Variants in ARHGAP20 observed in about 807,000 individuals in gnomAD.
ARHGAP20 encodes rho GTPase-activating protein 20.
A neutral mutation model predicts 73.7 loss-of-function variants in ARHGAP20; 34 were observed. The ratio of observed to expected loss-of-function variants is 0.46; its 90% CI spans 0.35 to 0.61. The LOEUF (loss-of-function observed/expected upper bound fraction) is 0.61. ARHGAP20 is among the 20% of genes least tolerant of loss of function. ARHGAP20 has a pLI of 0.00. For synonymous variants in ARHGAP20, 523 were observed against 518.2 expected, an observed-to-expected ratio of 1.01 and a Z score of -0.13; for missense variants, 1,314 against 1,420.9, an observed-to-expected ratio of 0.92 and a Z score of 1.21.
chr11:110,632,028 C>T (rs2134960889), intron 2 of ARHGAP20, among the ~76,000 whole-genome samples: 1 of 152,262 alleles, frequency 6.6e-6, no homozygotes, highest in East Asian at 1.9e-4. Context: ...ATCAGTAATT[C>T]ATTCCTTTAT....
Position 110,577,511 on chromosome 11 carries a change from C to T in ARHGAP20, c.*1859G>A. 1.3e-5 allele frequency: 13 copies of T among 1,003,472 alleles called. No individual in the cohort carries two copies. Among genetic ancestry groups the T allele is most frequent in the Non-Finnish European group, 1.5e-5 (13 of 842,550 alleles). The allele number at this position is 1,003,472 out of a possible 1,614,324, so 62.2% of individuals were successfully genotyped here. A position where few individuals can be genotyped will look rare whatever the true frequency, so the allele number is the denominator to read the frequency against. Reference sequence around the variant, plus strand: ...GGCAATTTCTTCCAGAAAGACACTCCAAGCCGTTAAGAGCTTCATTCACAT... The same window carrying T: ...GGCAATTTCTTCCAGAAAGACACTCTAAGCCGTTAAGAGCTTCATTCACAT... On this transcript the variant is annotated 3_prime_UTR_variant, in exon 15 of 15. Transcript: ENST00000683387.
chr11:110,690,550 G>T lies in ARHGAP20; in HGVS notation c.185C>A (p.Thr62Asn). The T allele has an allele frequency of 6.2e-7, 1 of 1,613,654 alleles. No homozygotes were observed. The highest frequency in any genetic ancestry group is 8.5e-7 in the Non-Finnish European group (1 of 1,179,634). ...TAATACAAAGCTTTGCACTTACCTG[G>T]TAGTAGGCCGTTTTTGTAGGGCTTT... ...LDKALQKRPT[T>N]RDSPSASVDT... Residue 62 changes from threonine to asparagine, a missense_variant, in exon 2 of 15, where the codon ACC (threonine) becomes AAC (asparagine). Physicochemically the swap from Thr to Asn is moderately conservative, Grantham distance 65. Around this residue, in one of 3 missense-constraint regions of ARHGAP20, gnomAD observed 443 missense variants for 466.4 expected, o/e 0.95. Transcript: ENST00000683387.
At chr11:110,690,711 C>G in intron 1 of ARHGAP20, 82 bp from the exon 2 acceptor site, 1 of 1,338,806 alleles carries the variant, frequency 7.5e-7, no homozygotes, top group Non-Finnish European at 1.1e-6. Flanking sequence ...TCCAATTTAA[C>G]AAGTTTTGCA....
intron 2 of ARHGAP20, among the ~76,000 whole-genome samples, chr11:110,649,110 C>T (rs1949291612): frequency 6.8e-6 from 1 of 147,088 alleles, no homozygotes; most frequent in Non-Finnish European, 1.5e-5. Context: ...AAAATAAAGA[C>T]AAGTCTTAAA....
chr11:110,648,223 A>AAATATATATATGTAAATATATATATG (rs1565457508), intron 2 of ARHGAP20, among the ~76,000 whole-genome samples: 1 of 38,492 alleles, frequency 2.6e-5, no homozygotes, highest in African/African-American at 2.6e-4. Context: ...ATATATATGT[A>AAATATATATATGTAAATATATATATG]TATATATATA....
chr11:110,690,751 C>T, intron 1 of ARHGAP20, 122 bp from the exon 2 acceptor site: 2 of 979,802 alleles, frequency 2.0e-6, no homozygotes, highest in Non-Finnish European at 1.5e-6. Context: ...AAGGAGCCTA[C>T]AGTTTCATTA....
intron 1 of ARHGAP20, 27 bp downstream of exon 1, chr11:110,712,100 G>T: frequency 3.1e-6 from 4 of 1,284,238 alleles, no homozygotes; most frequent in Non-Finnish European, 4.0e-6. Context: ...GCGGCGGAGG[G>T]CACGGGCCCC....
At chr11:110,679,857 G>A (rs979693965) in intron 2 of ARHGAP20, among the ~76,000 whole-genome samples, 1 of 152,172 alleles carries the variant, frequency 6.6e-6, no homozygotes, top group African/African-American at 2.4e-5. Context: ...ATGACATGGT[G>A]TACATGTAAG....
chr11:110,702,676 A>T (rs1950477002), intron 1 of ARHGAP20, among the ~76,000 whole-genome samples: 4 of 152,194 alleles, frequency 2.6e-5, no homozygotes, highest in Admixed American at 2.0e-4. Flanking sequence ...CTGATAAGCA[A>T]CTTCAGCAGT....
At chr11:110,581,535 G>A (rs1028239303) in intron 14 of ARHGAP20, among the ~76,000 whole-genome samples, 1 of 152,194 alleles carries the variant, frequency 6.6e-6, no homozygotes, top group African/African-American at 2.4e-5. Context: ...AGTATATCCA[G>A]ATTCTGAGTA....
intron 2 of ARHGAP20, among the ~76,000 whole-genome samples, chr11:110,661,087 C>T (rs1284164453): frequency 6.6e-6 from 1 of 152,130 alleles, no homozygotes; most frequent in Non-Finnish European, 1.5e-5. Flanking sequence ...AAAGTTATTC[C>T]ATCTGTTCAG....
At chr11:110,701,445 T>G (rs1194472311) in intron 1 of ARHGAP20, among the ~76,000 whole-genome samples, 2 of 152,086 alleles carry the variant, frequency 1.3e-5, no homozygotes, top group Non-Finnish European at 2.9e-5. Context: ...TTTTTTCTTG[T>G]AAATTTGTTT....
chr11:110,688,376 A>T (rs1950177939), intron 2 of ARHGAP20, among the ~76,000 whole-genome samples: 1 of 151,932 alleles, frequency 6.6e-6, no homozygotes, highest in South Asian at 2.1e-4. Flanking sequence ...TTGGGGGAAG[A>T]TGACTGCTGG....
At chr11:110,586,130 CT>C in intron 12 of ARHGAP20, 85 bp downstream of exon 12, 1 of 679,208 alleles carries the variant, frequency 1.5e-6, no homozygotes, top group Non-Finnish European at 2.2e-6. Flanking sequence ...ATGGATATGA[CT>C]TTGATAGCTG....
At chr11:110,697,706 T>C (rs1372501406) in intron 1 of ARHGAP20, among the ~76,000 whole-genome samples, 1 of 151,936 alleles carries the variant, frequency 6.6e-6, no homozygotes, top group Non-Finnish European at 1.5e-5. Context: ...TTTATTTTTG[T>C]TGGCTTTGTT....
At chr11:110,670,606 A>C (rs909290643) in intron 2 of ARHGAP20, among the ~76,000 whole-genome samples, 1 of 152,112 alleles carries the variant, frequency 6.6e-6, no homozygotes, top group Non-Finnish European at 1.5e-5. Context: ...ACCCTAGATA[A>C]CTTCAATGAT....
intron 2 of ARHGAP20, among the ~76,000 whole-genome samples, chr11:110,654,117 T>C (rs774386974): frequency 6.6e-6 from 1 of 152,102 alleles, no homozygotes; most frequent in African/African-American, 2.4e-5. Context: ...ACCCAGGTGT[T>C]GGGTTGATAG....
At chr11:110,638,574 A>T (rs1252645862) in intron 2 of ARHGAP20, among the ~76,000 whole-genome samples, 1 of 151,854 alleles carries the variant, frequency 6.6e-6, no homozygotes, top group African/African-American at 2.4e-5. Context: ...AAATTAATAC[A>T]TTGATTTACT....
chr11:110,708,674 G>A (rs3930078), intron 1 of ARHGAP20, among the ~76,000 whole-genome samples: 26,557 of 152,072 alleles, frequency 0.17, 2,340 homozygotes, highest in South Asian at 0.31. Context: ...ATCTTTGGAA[G>A]TGTGAATTAA....
Sources: allele counts gnomAD v4.1 joint callset (sites outside exome capture counted in the v4.1 genomes callset), GRCh38; gene constraint gnomAD v4.1.1; regional missense constraint gnomAD v4.1.1; transcripts MANE v1.5; gene names NCBI Gene and HGNC (gene_info 2026-07-23, HGNC 2026-07-21).